Variants in TTC6 observed in about 807,000 individuals in gnomAD.
The protein encoded by TTC6 is tetratricopeptide repeat protein 6.
Under a neutral mutation model 210.4 loss-of-function variants are expected in TTC6, and 172 were observed. That is an observed-to-expected ratio of 0.82 (90% CI 0.72 to 0.93). The LOEUF is 0.93. TTC6 is among the 40% of genes least tolerant of loss of function. The pLI, the probability that TTC6 is intolerant of heterozygous loss-of-function variation, is 0.00. For synonymous variants in TTC6, 804 were observed against 819.6 expected (o/e 0.98, Z 0.32); for missense variants, 2,414 against 2,318.1 (o/e 1.04, Z -0.85).
intron 1 of TTC6, among the ~76,000 whole-genome samples, chr14:37,634,256 A>G (rs1363550925): frequency 1.3e-5 from 2 of 152,226 alleles, no homozygotes; most frequent in Non-Finnish European, 2.9e-5. Flanking sequence ...TTCTTAGCAG[A>G]AAAGTAGAAA....
chr14:37,841,450 T>A (rs1475939244), exon 30 of TTC6: 1 of 1,586,998 alleles, frequency 6.3e-7, no homozygotes, highest in Admixed American at 1.9e-5. Flanking sequence ...TGTAGGCCAG[T>A]GACTACTTCT....
At chr14:37,748,607 A>G (rs1019441801) in intron 10 of TTC6, among the ~76,000 whole-genome samples, 3 of 151,618 alleles carry the variant, frequency 2.0e-5, no homozygotes, top group African/African-American at 7.3e-5. Flanking sequence ...TTCTCACGTT[A>G]TGTTTACTTC....
chr14:37,728,675 T>C (rs1016887385), intron 7 of TTC6, among the ~76,000 whole-genome samples: 3 of 152,164 alleles, frequency 2.0e-5, no homozygotes, highest in Non-Finnish European at 4.4e-5. Flanking sequence ...AAGTAACATA[T>C]GGTGTTTTGG....
At chr14:37,745,262 C>T (rs550472956) in intron 10 of TTC6, among the ~76,000 whole-genome samples, 1 of 152,258 alleles carries the variant, frequency 6.6e-6, no homozygotes, top group Admixed American at 6.5e-5. Flanking sequence ...GTTATCACCA[C>T]CTGATTAAAT....
intron 14 of TTC6, among the ~76,000 whole-genome samples, chr14:37,758,834 TTTCCATGTTTAGTGC>T (rs1355344585): frequency 2.6e-5 from 4 of 152,212 alleles, no homozygotes; most frequent in Admixed American, 2.6e-4. Flanking sequence ...CGGTTTTTCC[TTTCCATGTTTAGTGC>T]TTCCTTCAGG....
chr14:37,752,076 T>C (rs897770596), intron 13 of TTC6, among the ~76,000 whole-genome samples: 3 of 151,964 alleles, frequency 2.0e-5, no homozygotes, highest in Non-Finnish European at 2.9e-5. Flanking sequence ...CCGCCCACCT[T>C]GGCCTCCCAA....
At chr14:37,746,170 C>G (rs988376110) in intron 10 of TTC6, among the ~76,000 whole-genome samples, 4 of 152,120 alleles carry the variant, frequency 2.6e-5, no homozygotes, top group African/African-American at 9.7e-5. Context: ...CTCCAGGGTT[C>G]TATTATTCCC....
At chr14:37,605,771 A>C (rs2095624004) in intron 1 of TTC6, among the ~76,000 whole-genome samples, 1 of 152,220 alleles carries the variant, frequency 6.6e-6, no homozygotes, top group Non-Finnish European at 1.5e-5. Flanking sequence ...TGGAATGCTA[A>C]ACATCAGCTA....
intron 12 of TTC6, among the ~76,000 whole-genome samples, chr14:37,750,176 A>G (rs2095947530): frequency 6.6e-6 from 1 of 152,190 alleles, no homozygotes; most frequent in Non-Finnish European, 1.5e-5. Context: ...ATTTGATCAC[A>G]TCTCTCTGAG....
intron 25 of TTC6, among the ~76,000 whole-genome samples, chr14:37,817,246 A>G (rs1423934132): frequency 2.0e-5 from 3 of 152,178 alleles, no homozygotes; most frequent in Non-Finnish European, 4.4e-5. Flanking sequence ...AAACAATAGA[A>G]AGAAAGTAAA....
intron 1 of TTC6, among the ~76,000 whole-genome samples, chr14:37,644,962 T>C (rs1032705277): frequency 3.9e-5 from 6 of 152,198 alleles, no homozygotes; most frequent in Non-Finnish European, 8.8e-5. Flanking sequence ...CTTAAAATAC[T>C]GTGAGAATAA....
chr14:37,746,105 G>T (rs1433384361), intron 10 of TTC6, among the ~76,000 whole-genome samples: 1 of 152,090 alleles, frequency 6.6e-6, no homozygotes, highest in Non-Finnish European at 1.5e-5. Context: ...TGTCTCTATT[G>T]CTTATTGTGG....
chr14:37,795,063 G>T (rs1727440957), intron 17 of TTC6, among the ~76,000 whole-genome samples: 1 of 152,034 alleles, frequency 6.6e-6, no homozygotes, highest in Admixed American at 6.6e-5. Context: ...TAAAATTAAA[G>T]ATAGATGATT....
At chr14:37,780,970 A>G (rs533039580) in intron 14 of TTC6, among the ~76,000 whole-genome samples, 6 of 152,308 alleles carry the variant, frequency 3.9e-5, no homozygotes, top group African/African-American at 1.4e-4. Context: ...ATCCTTTTGT[A>G]TGGCTGCATA....
chr14:37,705,279 A>G (rs145876488), intron 5 of TTC6, among the ~76,000 whole-genome samples: 2 of 152,294 alleles, frequency 1.3e-5, no homozygotes, highest in African/African-American at 4.8e-5. Context: ...AGCAGCAACA[A>G]TGGAAAAACC....
rs532002946 is a variant in TTC6, at chr14:37,681,224, AATAT to A, written c.1050+968_1050+971del. Among the ~76,000 whole-genome samples the A allele has an allele frequency of 5.3e-5, 8 of 152,234 alleles. No individual in the cohort carries two copies. In the South Asian group the frequency reaches 1.7e-3, roughly 32 times the overall value. On this transcript the variant is annotated intron_variant, in intron 2 of 30. Coordinates refer to ENST00000553443, the Ensembl canonical transcript of TTC6. ...CTGCCTCTAGTTGACACCGTTTACA[AATAT>A]ATATCAAAACTTCTGACCTCGACGC...
chr14:37,601,806 T>A (rs1206707182), intron 1 of TTC6, among the ~76,000 whole-genome samples: 1 of 152,188 alleles, frequency 6.6e-6, no homozygotes, highest in Non-Finnish European at 1.5e-5. Flanking sequence ...CCATATAGGG[T>A]GGTCAACGTG....
At chr14:37,609,072 AC>A (rs1346290612) in intron 2 of TTC6, among the ~76,000 whole-genome samples, 2 of 152,066 alleles carry the variant, frequency 1.3e-5, no homozygotes, top group Admixed American at 6.5e-5. Flanking sequence ...TAAATCAATA[AC>A]TAACTCCTCC....
chr14:37,643,632 A>G (rs1462000701), intron 1 of TTC6, among the ~76,000 whole-genome samples: 2 of 152,142 alleles, frequency 1.3e-5, no homozygotes, highest in South Asian at 2.1e-4. Flanking sequence ...GAGGAAGCCT[A>G]TCTTTTTTAG....
Sources: allele counts gnomAD v4.1 joint callset (sites outside exome capture counted in the v4.1 genomes callset), GRCh38; gene constraint gnomAD v4.1.1; transcripts MANE v1.5; gene names NCBI Gene and HGNC (gene_info 2026-07-23, HGNC 2026-07-21).